The following DIAPH3 variants were observed in gnomAD, a reference collection of about 807,000 sequenced individuals.
The protein encoded by DIAPH3 is diaphanous related formin 3, also known as protein diaphanous homolog 3.
In DIAPH3, 117 loss-of-function variants were observed where a neutral mutation model predicts 144.3. The ratio of observed to expected loss-of-function variants is 0.81; its 90% CI spans 0.70 to 0.95. The LOEUF is 0.95. Among genes scored for constraint, DIAPH3 ranks in the 40% least tolerant of loss-of-function variants. The probability of loss-of-function intolerance (pLI) is 0.00; values close to 1 mark genes in which losing one functional copy is unlikely to be tolerated. For missense variants in DIAPH3, 1,421 were observed against 1,412.7 expected, an observed-to-expected ratio of 1.01 and a Z score of -0.09; for synonymous variants, 519 against 488.9, an observed-to-expected ratio of 1.06 and a Z score of -0.81.
At chr13:60,015,880 T>A (rs1566661015) in intron 7 of DIAPH3, 33 bp downstream of exon 7, 2 of 1,564,780 alleles carry the variant, frequency 1.3e-6, no homozygotes, top group South Asian at 2.2e-5. Flanking sequence ...ACAAAATTGG[T>A]GACGGACAAA....
intron 3 of DIAPH3, among the ~76,000 whole-genome samples, chr13:60,109,934 A>T (rs1594691253): frequency 2.0e-5 from 3 of 152,220 alleles, no homozygotes; most frequent in Non-Finnish European, 4.4e-5. Flanking sequence ...GCTTTCACCA[A>T]AAGACAAACG....
intron 27 of DIAPH3, among the ~76,000 whole-genome samples, chr13:59,722,807 G>A (rs1004495446): frequency 6.6e-6 from 1 of 152,114 alleles, no homozygotes; most frequent in Non-Finnish European, 1.5e-5. Context: ...ATAGAGCGGG[G>A]AGCAAATGCC....
chr13:59,785,530 G>C (rs2038990964), intron 25 of DIAPH3, among the ~76,000 whole-genome samples: 2 of 152,098 alleles, frequency 1.3e-5, no homozygotes, highest in African/African-American at 4.8e-5. Flanking sequence ...AAAGACTATT[G>C]TGAAGATTAA....
chr13:59,683,002 T>C (rs911038600), intron 27 of DIAPH3, among the ~76,000 whole-genome samples: 1 of 152,212 alleles, frequency 6.6e-6, no homozygotes, highest in Non-Finnish European at 1.5e-5. Flanking sequence ...AAGAGGACAA[T>C]GTTTCATAAT....
intron 2 of DIAPH3, among the ~76,000 whole-genome samples, chr13:60,113,757 A>G (rs901092172): frequency 6.6e-6 from 1 of 152,250 alleles, no homozygotes; most frequent in East Asian, 1.9e-4. Flanking sequence ...AGGAAGAAGA[A>G]TAAGTTAAAC....
chr13:59,676,139 T>G (rs1201181384), intron 27 of DIAPH3, among the ~76,000 whole-genome samples: 1 of 152,216 alleles, frequency 6.6e-6, no homozygotes, highest in African/African-American at 2.4e-5. Flanking sequence ...TCATGTAATG[T>G]AGAATCAAAT....
intron 20 of DIAPH3, among the ~76,000 whole-genome samples, chr13:59,884,659 T>A (rs922380528): frequency 2.0e-5 from 3 of 151,894 alleles, no homozygotes; most frequent in African/African-American, 2.4e-5. Flanking sequence ...AGAGAAAAAA[T>A]TTTTGAGCTT....
At chr13:60,043,812 A>G (rs2055866775) in intron 4 of DIAPH3, among the ~76,000 whole-genome samples, 1 of 152,232 alleles carries the variant, frequency 6.6e-6, no homozygotes, top group Non-Finnish European at 1.5e-5. Flanking sequence ...ACATAAAATA[A>G]CGAAAATGCA....
chr13:59,905,822 G>A (rs1409714904), intron 20 of DIAPH3, among the ~76,000 whole-genome samples: 2 of 152,128 alleles, frequency 1.3e-5, no homozygotes, highest in African/African-American at 4.8e-5. Flanking sequence ...GCTTCTCAAA[G>A]CTGGAAAAGG....
intron 1 of DIAPH3, among the ~76,000 whole-genome samples, chr13:60,137,742 CT>C (rs35703399): frequency 0.06 from 7,500 of 125,662 alleles, 236 homozygotes; most frequent in Admixed American, 0.1. Context: ...TTAAAATTGA[CT>C]TTTTTTTTTT....
chr13:59,892,344 TA>T (rs1593860255), intron 20 of DIAPH3, among the ~76,000 whole-genome samples: 1 of 151,826 alleles, frequency 6.6e-6, no homozygotes, highest in Non-Finnish European at 1.5e-5. Context: ...AAGTTGGGAT[TA>T]AAGAAACAGA....
intron 2 of DIAPH3, among the ~76,000 whole-genome samples, chr13:60,112,899 G>A (rs1480383080): frequency 6.6e-6 from 1 of 152,108 alleles, no homozygotes; most frequent in Non-Finnish European, 1.5e-5. Context: ...ATTCAAAATT[G>A]TTTGAATTTC....
intron 3 of DIAPH3, among the ~76,000 whole-genome samples, chr13:60,107,067 G>GGTACTAT (rs2058440047): frequency 6.6e-6 from 1 of 152,100 alleles, no homozygotes; most frequent in African/African-American, 2.4e-5. Context: ...CTTTAATAGT[G>GGTACTAT]TGTGAGGTAG....
intron 24 of DIAPH3, among the ~76,000 whole-genome samples, chr13:59,818,871 C>A (rs895405590): frequency 6.6e-6 from 1 of 151,838 alleles, no homozygotes; most frequent in African/African-American, 2.4e-5. Flanking sequence ...CATTTCCATA[C>A]ATTCTATTTG....
chr13:60,163,775 G>A lies in DIAPH3; in HGVS notation c.-9C>T. 2 of 1,564,480 alleles carry A rather than the reference G, an allele frequency of 1.3e-6. No homozygotes were observed. The highest frequency in any genetic ancestry group is 1.7e-6 in the Non-Finnish European group (2 of 1,157,250). On this transcript the variant is annotated 5_prime_UTR_variant, in exon 1 of 28. Coordinates refer to ENST00000400324, the MANE Select transcript of DIAPH3 (RefSeq NM_001042517.2). The stretch of plus-strand genomic sequence containing the variant: ...GGCTGGTGCCGTTCCATCTTTCCCC[G>A]CAGCTCCGGGGACCGGAAAGAAGGT...
At chr13:60,067,638 G>A (rs889836185) in intron 4 of DIAPH3, among the ~76,000 whole-genome samples, 2 of 152,056 alleles carry the variant, frequency 1.3e-5, no homozygotes, top group African/African-American at 4.8e-5. Flanking sequence ...TTTGAAAAGT[G>A]GACTGTAAAT....
intron 4 of DIAPH3, among the ~76,000 whole-genome samples, chr13:60,069,949 G>A (rs973109150): frequency 2.0e-5 from 3 of 152,018 alleles, no homozygotes; most frequent in Non-Finnish European, 4.4e-5. Flanking sequence ...GGATTGTCTT[G>A]GCTATTCAAG....
Position 59,983,860 on chromosome 13 carries a change from C to A in DIAPH3, c.1389G>T (p.Glu463Asp), listed in dbSNP as rs774832755. ...TATGCAATACAATCTGGGATACACA[C>A]TCATCAATTAATTTGAAGTATTGTT... ...IRQQYFKLID[E>D]CVSQIVLHRD... Residue 463 changes from glutamate to aspartate, a missense_variant, in exon 13 of 28, where the codon GAG (glutamate) becomes GAT (aspartate). Coordinates refer to ENST00000400324, the MANE Select transcript of DIAPH3 (RefSeq NM_001042517.2). The A allele has an allele frequency of 1.1e-5, 17 of 1,608,320 alleles. No individual in the cohort carries two copies. Among genetic ancestry groups the A allele is most frequent in the South Asian group, 2.2e-5 (2 of 90,858 alleles).
intron 20 of DIAPH3, among the ~76,000 whole-genome samples, chr13:59,880,202 C>T (rs938020996): frequency 6.6e-6 from 1 of 152,098 alleles, no homozygotes; most frequent in South Asian, 2.1e-4. Flanking sequence ...CAAGTTCCTG[C>T]CTTTATCCTT....
Sources: allele counts gnomAD v4.1 joint callset (sites outside exome capture counted in the v4.1 genomes callset), GRCh38; gene constraint gnomAD v4.1.1; transcripts MANE v1.5; gene names NCBI Gene and HGNC (gene_info 2026-07-23, HGNC 2026-07-21).